Variants in SP4 observed in about 807,000 individuals in gnomAD.
SP4 encodes the protein transcription factor Sp4.
A neutral mutation model predicts 72.8 loss-of-function variants in SP4; 19 were observed. The observed-to-expected ratio is 0.26, with a 90% CI of 0.18 to 0.38. The LOEUF is 0.38. Ranked by LOEUF, SP4 falls within the 10% of genes least tolerant of loss-of-function variation. The pLI is 1.00. For missense variants in SP4, 1,008 were observed against 926.3 expected, an observed-to-expected ratio of 1.09 and a Z score of -1.14; for synonymous variants, 395 against 333.1, an observed-to-expected ratio of 1.19 and a Z score of -2.02.
At chr7:21,472,717 T>A (rs1046228375) in intron 3 of SP4, among the ~76,000 whole-genome samples, 10 of 151,210 alleles carry the variant, frequency 6.6e-5, no homozygotes, top group African/African-American at 2.4e-4. Context: ...GCAGGAGAAT[T>A]GCTTGAGCCC....
chr7:21,506,147 T>C (rs78519787), intron 5 of SP4, among the ~76,000 whole-genome samples: 2,093 of 152,308 alleles, frequency 0.014, 48 homozygotes, highest in East Asian at 0.079. Context: ...ATTAAAATTT[T>C]CTTAAATATT....
At chr7:21,446,118 C>G (rs17144437) in intron 3 of SP4, among the ~76,000 whole-genome samples, 13,268 of 151,296 alleles carry the variant, frequency 0.088, 1,575 homozygotes, top group East Asian at 0.54. Flanking sequence ...TAAACACATT[C>G]AGGGAAAACT....
intron 3 of SP4, among the ~76,000 whole-genome samples, chr7:21,453,787 T>A (rs573295026): frequency 5.9e-5 from 9 of 152,344 alleles, no homozygotes; most frequent in South Asian, 4.1e-4. Context: ...TTCCAATGTT[T>A]AATTTATGAA....
At chr7:21,454,645 T>C (rs1269239493) in intron 3 of SP4, among the ~76,000 whole-genome samples, 1 of 152,222 alleles carries the variant, frequency 6.6e-6, no homozygotes. Flanking sequence ...ATCTATATAC[T>C]GTAGAAGTTA....
At chr7:21,430,891 C>T (rs1280558137) in intron 3 of SP4, 48 bp downstream of exon 3, 6 of 1,368,124 alleles carry the variant, frequency 4.4e-6, no homozygotes, top group South Asian at 1.3e-5. Flanking sequence ...TTTTTCATAA[C>T]AATTATTGCT....
intron 3 of SP4, among the ~76,000 whole-genome samples, chr7:21,442,902 A>G (rs1783307012): frequency 6.6e-6 from 1 of 151,808 alleles, no homozygotes; most frequent in Non-Finnish European, 1.5e-5. Flanking sequence ...CACCCAGCTA[A>G]TTTTTCTATT....
chr7:21,447,919 A>C (rs1281488324), intron 3 of SP4, among the ~76,000 whole-genome samples: 1 of 152,174 alleles, frequency 6.6e-6, no homozygotes, highest in Non-Finnish European at 1.5e-5. Context: ...CCTGACCTCA[A>C]GTGATCCTCT....
At chr7:21,497,445 T>A (rs1489120338) in intron 5 of SP4, among the ~76,000 whole-genome samples, 1 of 152,246 alleles carries the variant, frequency 6.6e-6, no homozygotes, top group Admixed American at 6.5e-5. Flanking sequence ...TTCCATGGAT[T>A]GCTGCAAGCC....
chr7:21,444,632 T>C (rs1783363840), intron 3 of SP4, among the ~76,000 whole-genome samples: 1 of 152,236 alleles, frequency 6.6e-6, no homozygotes, highest in Non-Finnish European at 1.5e-5. Flanking sequence ...AGTTTATTGT[T>C]TGTCTCTTAT....
At chr7:21,437,946 A>G (rs1189841081) in intron 3 of SP4, among the ~76,000 whole-genome samples, 1 of 152,070 alleles carries the variant, frequency 6.6e-6, no homozygotes, top group African/African-American at 2.4e-5. Context: ...CAAAGAACGG[A>G]GTTTTATCTT....
intron 5 of SP4, among the ~76,000 whole-genome samples, chr7:21,492,269 A>G (rs1190963009): frequency 6.6e-6 from 1 of 152,210 alleles, no homozygotes; most frequent in Non-Finnish European, 1.5e-5. Flanking sequence ...GGGTGGAGAT[A>G]CTCCCCTAAA....
intron 5 of SP4, among the ~76,000 whole-genome samples, chr7:21,493,955 C>T (rs935269893): frequency 8.5e-5 from 13 of 152,170 alleles, no homozygotes; most frequent in South Asian, 2.1e-4. Flanking sequence ...TGCATTGTTA[C>T]GTAGTACAGT....
chr7:21,448,009 T>G (rs1057369215), intron 3 of SP4, among the ~76,000 whole-genome samples: 12 of 152,142 alleles, frequency 7.9e-5, no homozygotes, highest in Non-Finnish European at 1.5e-4. Context: ...CTTTACATAA[T>G]AGGATTGCAT....
Position 21,511,256 on chromosome 7 carries a change from T to G in SP4, c.2342T>G (p.Met781Arg). Residue 781 changes from methionine to arginine, a missense_variant, in exon 6 of 6, where the codon ATG becomes AGG. Coordinates refer to ENST00000222584, the MANE Select transcript of SP4 (RefSeq NM_003112.5). ...GCAACTCCCAATGTTTCAACCAACA[T>G]GGAAGAATTCTGAAAAGTTATTTAT... ...NPATPNVSTN[M>R]EEF 6.2e-7 allele frequency: 1 copy of G among 1,613,972 alleles called. No individual in the cohort carries two copies. Among genetic ancestry groups the G allele is most frequent in the Non-Finnish European group, 8.5e-7 (1 of 1,179,902 alleles).
chr7:21,480,182 T>C (rs1005946226), intron 4 of SP4, among the ~76,000 whole-genome samples: 17 of 152,184 alleles, frequency 1.1e-4, no homozygotes, highest in Non-Finnish European at 1.9e-4. Flanking sequence ...TTGTTGAGGA[T>C]TTTTGCATCC....
chr7:21,429,947 T>A lies in SP4; in HGVS notation c.782T>A (p.Ile261Asn). The A allele has an allele frequency of 2.5e-6, 4 of 1,614,140 alleles. No individual in the cohort carries two copies. Among genetic ancestry groups the A allele is most frequent in the Non-Finnish European group, 3.4e-6 (4 of 1,180,034 alleles). Residue 261 changes from isoleucine (I) to asparagine (N), a missense_variant, in exon 3 of 6, where the codon ATT (isoleucine) becomes AAT (asparagine). Physicochemically the swap from Ile to Asn is moderately radical, Grantham distance 149. Transcript: ENST00000222584. ...AQVVTTLPIN[I>N]GGVTLALPVI... ...GTTGTAACAACCCTACCAATTAACA[T>A]TGGAGGAGTGACTCTAGCTTTGCCA...
chr7:21,511,158 C>T lies in SP4; in HGVS notation c.2244C>T (p.Asp748=), dbSNP rs1782132933. 6.2e-7 allele frequency: 1 copy of T among 1,614,200 alleles called. No individual in the cohort carries two copies. Among genetic ancestry groups the T allele is most frequent in the Non-Finnish European group, 8.5e-7 (1 of 1,180,030 alleles). The change falls in exon 6 of 6, where the codon GAC becomes GAT. Residue 748 remains aspartate, a synonymous_variant. Coordinates refer to ENST00000222584, the MANE Select transcript of SP4 (RefSeq NM_003112.5). ...ALAIVTSGEL[D]SSVTEVLGSP... The stretch of plus-strand genomic sequence containing the variant: ...CCATTGTTACCTCGGGAGAACTGGA[C>T]TCATCTGTTACAGAGGTGCTTGGCT...
In SP4 at chr7:21,478,279, G is replaced by A. The variant is rs1784574927; in HGVS notation, c.1907+972G>A. On this transcript the variant is annotated intron_variant, in intron 4 of 5. Transcript: ENST00000222584. Reference sequence around the variant, plus strand: ...TATCCTGTCAATTGAAGGACATTTGGTTTTATCCACCCACTGGCCGTTATG... The same window carrying A: ...TATCCTGTCAATTGAAGGACATTTGATTTTATCCACCCACTGGCCGTTATG... Among the ~76,000 whole-genome samples the A allele has an allele frequency of 2.0e-5, 3 of 152,088 alleles. No homozygotes were observed. The South Asian group carries it at 6.2e-4, about 32-fold the overall frequency.
At chr7:21,493,760 T>TA (rs1785038277) in intron 5 of SP4, among the ~76,000 whole-genome samples, 1 of 152,174 alleles carries the variant, frequency 6.6e-6, no homozygotes, top group African/African-American at 2.4e-5. Flanking sequence ...AATTCTACCA[T>TA]TTAAGGAATA....
Sources: gnomAD v4.1 joint callset for allele counts (sites outside exome capture counted in the v4.1 genomes callset) on GRCh38, gnomAD v4.1.1 for gene constraint, MANE v1.5 for transcripts, NCBI Gene and HGNC (gene_info 2026-07-23, HGNC 2026-07-21) for gene names.